The following ANK3 variants were observed in gnomAD, a reference collection of about 807,000 sequenced individuals.
ANK3 encodes the protein ankyrin-3.
In ANK3, 57 loss-of-function variants were observed where a neutral mutation model predicts 370.9. The ratio of observed to expected loss-of-function variants is 0.15; its 90% CI spans 0.12 to 0.19. The LOEUF is 0.19. Ranked by LOEUF, ANK3 falls within the 10% of genes least tolerant of loss-of-function variation. The probability of loss-of-function intolerance (pLI) is 1.00; values close to 1 mark genes in which losing one functional copy is unlikely to be tolerated. For missense variants in ANK3, 4,439 were observed against 5,302.1 expected, an observed-to-expected ratio of 0.84 and a Z score of 5.06; for synonymous variants, 1,929 against 1,946.3, an observed-to-expected ratio of 0.99 and a Z score of 0.23.
chr10:60,639,407 G>A lies in ANK3; in HGVS notation c.58-24183C>T, dbSNP rs142820698. 4.6e-3 allele frequency among the ~76,000 whole-genome samples: 700 copies of A among 150,810 alleles called. 6 individuals carry two copies. The highest frequency in any genetic ancestry group is 0.016 in the African/African-American group (658 of 41,290). ...CTTAAGGTCTTAGAAGAGAAATGAA[G>A]CATGCCCAAAGCAGCAAATATAAGA... On this transcript the variant is annotated intron_variant, in intron 1 of 43. Coordinates refer to the ANK3 transcript ENST00000373827.
At chr10:60,213,871 A>G (rs896637040) in intron 8 of ANK3, among the ~76,000 whole-genome samples, 1 of 152,184 alleles carries the variant, frequency 6.6e-6, no homozygotes, top group African/African-American at 2.4e-5. Context: ...TAGAAATTCT[A>G]CATTGGTTCT....
At chr10:60,400,522 G>C (rs1386491325) in intron 2 of ANK3, among the ~76,000 whole-genome samples, 10 of 151,978 alleles carry the variant, frequency 6.6e-5, no homozygotes, top group Non-Finnish European at 2.9e-5. Context: ...TTCTATCAAG[G>C]TGGCAATAAA....
intron 1 of ANK3, among the ~76,000 whole-genome samples, chr10:60,695,744 T>A (rs918320308): frequency 3.9e-5 from 6 of 152,178 alleles, no homozygotes; most frequent in Non-Finnish European, 5.9e-5. Context: ...TGGGATGCAT[T>A]CAAAGCAGTG....
chr10:60,484,907 CAT>C (rs1414087411), intron 2 of ANK3, among the ~76,000 whole-genome samples: 1 of 152,094 alleles, frequency 6.6e-6, no homozygotes. Context: ...CATACACACA[CAT>C]ATGTGTGTCT....
chr10:60,675,779 A>G (rs2079116826), intron 1 of ANK3, among the ~76,000 whole-genome samples: 1 of 152,350 alleles, frequency 6.6e-6, no homozygotes, highest in Middle Eastern at 3.4e-3. Context: ...GCAGTATCAC[A>G]TTCTTCAGAT....
intron 1 of ANK3, among the ~76,000 whole-genome samples, chr10:60,693,813 A>C (rs1237787856): frequency 6.6e-6 from 1 of 152,236 alleles, no homozygotes; most frequent in Non-Finnish European, 1.5e-5. Context: ...ACAGAGCAGA[A>C]AAACTGGAAA....
Position 60,068,753 on chromosome 10 carries a change from C to A in ANK3, c.12128G>T (p.Arg4043Leu). 3 of 1,614,152 alleles carry A rather than the reference C, an allele frequency of 1.9e-6. No individual in the cohort carries two copies. The highest frequency in any genetic ancestry group is 1.3e-5 in the African/African-American group (1 of 75,028). ...CGTTGTAACCGAAGGCTGGCCACCCCGGGAAGTCTCGGACAACGACGTGTT... is the reference window on the plus strand; with the variant it reads ...CGTTGTAACCGAAGGCTGGCCACCCAGGGAAGTCTCGGACAACGACGTGTT... ...SRNTSLSETS[R>L]GGQPSVTTKS... Residue 4043 changes from arginine (R) to leucine (L), a missense_variant, in exon 37 of 44, where the codon CGG (arginine) becomes CTG (leucine). This residue lies in a region of ANK3 where 496 missense variants were observed against 529.3 expected (regional missense o/e 0.94). Transcript: ENST00000280772.
At chr10:60,321,756 C>T (rs2048716282) in intron 1 of ANK3, among the ~76,000 whole-genome samples, 1 of 152,250 alleles carries the variant, frequency 6.6e-6, no homozygotes, top group South Asian at 2.1e-4. Context: ...AGAGCCCATT[C>T]TCTAACCACT....
At chr10:60,251,796 A>T (rs770071689) in intron 7 of ANK3, among the ~76,000 whole-genome samples, 2 of 152,178 alleles carry the variant, frequency 1.3e-5, no homozygotes, top group Admixed American at 6.5e-5. Context: ...CCATCATTCT[A>T]TCCACTTAAA....
intron 2 of ANK3, among the ~76,000 whole-genome samples, chr10:60,395,622 C>CTT (rs61600136): frequency 0.028 from 1,115 of 40,288 alleles, 10 homozygotes; most frequent in East Asian, 0.074. Context: ...CTTTCGTTCT[C>CTT]TCTCTCTCTC....
intron 1 of ANK3, among the ~76,000 whole-genome samples, chr10:60,363,465 A>T (rs1303104265): frequency 6.6e-6 from 1 of 152,182 alleles, no homozygotes; most frequent in Non-Finnish European, 1.5e-5. Context: ...ATTAGAGGAG[A>T]ATAAAGGGCC....
chr10:60,572,736 A>C, intron 2 of ANK3: 1 of 1,365,724 alleles, frequency 7.3e-7, no homozygotes, highest in Non-Finnish European at 9.4e-7. Flanking sequence ...CTCAGGAAGA[A>C]ACTGGGTGTT....
intron 23 of ANK3, among the ~76,000 whole-genome samples, chr10:60,157,332 C>T (rs1480575282): frequency 6.4e-5 from 9 of 140,034 alleles, no homozygotes; most frequent in Admixed American, 1.4e-4. Context: ...CCACTGTGCC[C>T]GGCTTTTTTT....
intron 1 of ANK3, among the ~76,000 whole-genome samples, chr10:60,693,244 G>C (rs533386182): frequency 2.0e-5 from 3 of 152,232 alleles, no homozygotes; most frequent in Non-Finnish European, 4.4e-5. Flanking sequence ...CACCTGGCTC[G>C]CAGGGTCCTA....
rs138099761 is a variant in ANK3 at position 60,084,780 on chromosome 10, G to A, written c.3896C>T (p.Thr1299Met). The stretch of plus-strand genomic sequence containing the variant: ...ACATATCAATTCTCTGTACAGTTGC[G>A]TGGCTAACCCCACAGTTTCTAAAAC... ...HQVLETVGLA[T>M]QLYRELICVP... The change falls in exon 32 of 44, where the codon ACG becomes ATG. Residue 1299 changes from threonine (T) to methionine (M), a missense_variant. Transcript: ENST00000280772. 1.9e-5 allele frequency: 31 copies of A among 1,591,154 alleles called. No individual in the cohort carries two copies. The highest frequency in any genetic ancestry group is 4.6e-5 in the South Asian group (4 of 86,570).
At chr10:60,395,670 G>A (rs1034031944) in intron 2 of ANK3, among the ~76,000 whole-genome samples, 9 of 144,816 alleles carry the variant, frequency 6.2e-5, no homozygotes, top group Admixed American at 4.3e-4. Flanking sequence ...TTCTTTTGTA[G>A]AGGTGAGGCA....
chr10:60,195,122 T>C (rs1468132735), intron 16 of ANK3, among the ~76,000 whole-genome samples: 6 of 152,152 alleles, frequency 3.9e-5, no homozygotes, highest in South Asian at 2.1e-4. Flanking sequence ...GCGCGGTGTG[T>C]CACGCCTGTA....
At chr10:60,153,018 A>T (rs766749632) in intron 23 of ANK3, among the ~76,000 whole-genome samples, 1 of 152,216 alleles carries the variant, frequency 6.6e-6, no homozygotes, top group Non-Finnish European at 1.5e-5. Context: ...TGTACCAGGA[A>T]ACTTATATAA....
chr10:60,352,919 C>A (rs1448721960), intron 1 of ANK3, among the ~76,000 whole-genome samples: 1 of 151,672 alleles, frequency 6.6e-6, no homozygotes, highest in Non-Finnish European at 1.5e-5. Context: ...AAAAAAGAGG[C>A]AAAAAGGGAT....
Sources: allele counts gnomAD v4.1 joint callset (sites outside exome capture counted in the v4.1 genomes callset), GRCh38; gene constraint gnomAD v4.1.1; regional missense constraint gnomAD v4.1.1; transcripts MANE v1.5; gene names NCBI Gene and HGNC (gene_info 2026-07-23, HGNC 2026-07-21).